SLC24A2: variants seen among roughly 807,000 people sequenced by gnomAD.
SLC24A2 encodes solute carrier family 24 member 2, also known as sodium/potassium/calcium exchanger 2.
Under a neutral mutation model 62.0 loss-of-function variants are expected in SLC24A2, and 36 were observed. The observed-to-expected ratio is 0.58, with a 90% CI of 0.44 to 0.77. The LOEUF (loss-of-function observed/expected upper bound fraction) is 0.77. Ranked by LOEUF, SLC24A2 falls within the 30% of genes least tolerant of loss-of-function variation. The pLI is 0.00. For synonymous variants in SLC24A2, 358 were observed against 294.0 expected, an observed-to-expected ratio of 1.22 and a Z score of -2.23; for missense variants, 846 against 817.9, an observed-to-expected ratio of 1.03 and a Z score of -0.42.
chr9:19,864,497 C>A, the SLC24A2 span, among the ~76,000 whole-genome samples: 1 of 151,942 alleles, frequency 6.6e-6, no homozygotes, highest in Admixed American at 6.6e-5. Flanking sequence ...TTATCATGAC[C>A]AAGTAGAATT....
the SLC24A2 span, among the ~76,000 whole-genome samples, chr9:20,083,496 G>C: frequency 6.6e-6 from 1 of 152,194 alleles, no homozygotes; most frequent in Non-Finnish European, 1.5e-5. Context: ...CCATGGTGAA[G>C]GATTTCGATC....
At chr9:20,165,389 G>A in the SLC24A2 span, among the ~76,000 whole-genome samples, 1 of 151,740 alleles carries the variant, frequency 6.6e-6, no homozygotes, top group Non-Finnish European at 1.5e-5. Context: ...GTTGAGCTAT[G>A]AGCCCTACCA....
At chr9:20,159,768 T>C in the SLC24A2 span, among the ~76,000 whole-genome samples, 1 of 151,562 alleles carries the variant, frequency 6.6e-6, no homozygotes, top group Non-Finnish European at 1.5e-5. Context: ...CAGAACTAGA[T>C]ATAATGGTAA....
intron 2 of SLC24A2, among the ~76,000 whole-genome samples, chr9:19,635,512 T>G (rs1483428535): frequency 6.6e-6 from 1 of 152,184 alleles, no homozygotes; most frequent in Non-Finnish European, 1.5e-5. Flanking sequence ...GCATTGGATA[T>G]CTTTGGAAAG....
chr9:19,971,312 T>C, the SLC24A2 span, among the ~76,000 whole-genome samples: 1 of 152,204 alleles, frequency 6.6e-6, no homozygotes. Flanking sequence ...TTTATTGTTG[T>C]GTCATTTGTG....
At chr9:19,546,305 C>A (rs1444537919) in intron 8 of SLC24A2, among the ~76,000 whole-genome samples, 1 of 152,226 alleles carries the variant, frequency 6.6e-6, no homozygotes, top group Non-Finnish European at 1.5e-5. Context: ...CCCCTTCCGC[C>A]AGATGCTCTG....
chr9:19,510,369 C>T lies in SLC24A2; in HGVS notation c.*5784G>A, dbSNP rs993036962. ...TTTTAATTGAAAATAGGTAAAGAGT[C>T]ACATAGCGGTAACTTCCAACTATGG... On this transcript the variant is annotated 3_prime_UTR_variant, in exon 11 of 11. Transcript: ENST00000341998. The T allele has an allele frequency of 7.6e-5, 11 of 143,870 alleles. No individual in the cohort carries two copies. The highest frequency in any genetic ancestry group is 1.5e-4 in the Non-Finnish European group (10 of 67,028). The allele number at this position is 143,870 out of a possible 1,614,324, so 8.9% of individuals were successfully genotyped here.
intron 2 of SLC24A2, among the ~76,000 whole-genome samples, chr9:19,763,775 T>A (rs541759956): frequency 3.7e-4 from 56 of 152,288 alleles, no homozygotes; most frequent in Admixed American, 1.2e-3. Flanking sequence ...GAAATTTTCT[T>A]TTTTTGTTGT....
the SLC24A2 span, among the ~76,000 whole-genome samples, chr9:19,935,409 C>CA: frequency 0.42 from 63,572 of 151,644 alleles, 14,409 homozygotes; most frequent in Non-Finnish European, 0.52. Flanking sequence ...ACAAACAAAA[C>CA]AAAAAAAACC....
At chr9:20,062,762 C>A in the SLC24A2 span, among the ~76,000 whole-genome samples, 1 of 126,082 alleles carries the variant, frequency 7.9e-6, no homozygotes, top group Non-Finnish European at 1.6e-5. Context: ...GGCTAATATC[C>A]AGAATCTACA....
chr9:19,577,672 G>A (rs968899687), intron 5 of SLC24A2, among the ~76,000 whole-genome samples: 2 of 152,034 alleles, frequency 1.3e-5, no homozygotes, highest in Admixed American at 1.3e-4. Context: ...GGGCAAGGAA[G>A]GATCAACTGA....
intron 2 of SLC24A2, among the ~76,000 whole-genome samples, chr9:19,648,953 T>C (rs967655253): frequency 7.0e-6 from 1 of 143,470 alleles, no homozygotes; most frequent in Non-Finnish European, 1.5e-5. Context: ...AAGATATTTA[T>C]TCCAAAATGA....
At chr9:20,033,013 C>T in the SLC24A2 span, among the ~76,000 whole-genome samples, 1 of 152,166 alleles carries the variant, frequency 6.6e-6, no homozygotes, top group Non-Finnish European at 1.5e-5. Context: ...TTCAACACTG[C>T]ACAAAAGGTT....
At chr9:19,906,986 A>T in the SLC24A2 span, among the ~76,000 whole-genome samples, 1 of 152,220 alleles carries the variant, frequency 6.6e-6, no homozygotes, top group Non-Finnish European at 1.5e-5. Context: ...TGAGGCCAGC[A>T]TCATCCCGAT....
At chr9:19,988,111 T>C in the SLC24A2 span, among the ~76,000 whole-genome samples, 9 of 152,252 alleles carry the variant, frequency 5.9e-5, no homozygotes, top group African/African-American at 1.9e-4. Context: ...GAACTGCAGG[T>C]ATGCATAGGA....
intron 2 of SLC24A2, among the ~76,000 whole-genome samples, chr9:19,746,572 C>A (rs1821838693): frequency 6.6e-6 from 1 of 151,984 alleles, no homozygotes; most frequent in Non-Finnish European, 1.5e-5. Context: ...AAAATATACC[C>A]AAGGGCATAC....
the SLC24A2 span, among the ~76,000 whole-genome samples, chr9:20,294,354 TAGGA>T: frequency 1.3e-5 from 2 of 152,090 alleles, no homozygotes; most frequent in Non-Finnish European, 1.5e-5. Flanking sequence ...CCTCCCGCCC[TAGGA>T]AGGAATTATT....
At chr9:20,279,362 C>G in the SLC24A2 span, among the ~76,000 whole-genome samples, 29 of 152,334 alleles carry the variant, frequency 1.9e-4, no homozygotes, top group South Asian at 2.7e-3. Flanking sequence ...GAAACCCCAT[C>G]TCTACTAAAA....
intron 10 of SLC24A2, among the ~76,000 whole-genome samples, chr9:19,517,210 G>C (rs1251656487): frequency 1.3e-5 from 2 of 152,196 alleles, no homozygotes; most frequent in Non-Finnish European, 2.9e-5. Context: ...AAAGGAAGAT[G>C]GCTGGAAGTG....
Sources: gnomAD v4.1 joint callset for allele counts (sites outside exome capture counted in the v4.1 genomes callset) on GRCh38, gnomAD v4.1.1 for gene constraint, MANE v1.5 for transcripts, NCBI Gene and HGNC (gene_info 2026-07-23, HGNC 2026-07-21) for gene names.